CDH18: variants seen among roughly 807,000 people sequenced by gnomAD.
The protein encoded by CDH18 is cadherin-18.
Under a neutral mutation model 67.9 loss-of-function variants are expected in CDH18, and 31 were observed. The ratio of observed to expected loss-of-function variants is 0.46; its 90% CI spans 0.34 to 0.62. CDH18 has a LOEUF of 0.62. CDH18 is among the 20% of genes least tolerant of loss of function. The pLI, the probability that CDH18 is intolerant of heterozygous loss-of-function variation, is 0.01. For missense variants in CDH18, 890 were observed against 975.5 expected, an observed-to-expected ratio of 0.91 and a Z score of 1.17; for synonymous variants, 362 against 347.2, an observed-to-expected ratio of 1.04 and a Z score of -0.48.
intron 1 of CDH18, among the ~76,000 whole-genome samples, chr5:20,326,508 T>C (rs541003937): frequency 5.6e-4 from 85 of 151,666 alleles, no homozygotes; most frequent in Non-Finnish European, 8.2e-4. Flanking sequence ...GCAATGTAGA[T>C]GGAATTTTTA....
intron 5 of CDH18, among the ~76,000 whole-genome samples, chr5:19,631,534 C>T (rs1283743450): frequency 6.6e-6 from 1 of 151,922 alleles, no homozygotes; most frequent in Non-Finnish European, 1.5e-5. Flanking sequence ...AAGCGATTTT[C>T]AAGTTACAGG....
At chr5:20,409,348 A>G (rs1279001221) in intron 1 of CDH18, among the ~76,000 whole-genome samples, 1 of 151,862 alleles carries the variant, frequency 6.6e-6, no homozygotes, top group Non-Finnish European at 1.5e-5. Flanking sequence ...GGATAAAACT[A>G]GTTTGATACC....
intron 2 of CDH18, among the ~76,000 whole-genome samples, chr5:20,216,390 TAAAC>T (rs1740771808): frequency 6.6e-6 from 1 of 151,892 alleles, no homozygotes; most frequent in African/African-American, 2.4e-5. Context: ...ATATGACTGA[TAAAC>T]AGAGTAATTA....
Position 20,337,653 on chromosome 5 carries a change from AG to A in CDH18, c.-579-82149del, listed in dbSNP as rs545813497. Among the ~76,000 whole-genome samples, 152 of 152,328 alleles carry A rather than the reference AG, an allele frequency of 1.0e-3. 1 individual carries two copies. The highest frequency in any genetic ancestry group is 3.5e-3 in the African/African-American group (146 of 41,582). On this transcript the variant is annotated intron_variant, in intron 1 of 14. Coordinates refer to the CDH18 transcript ENST00000507958. ...GCATTTTTGTCAAAGCCATTCAACA[AG>A]TCTCTAGAAAGGTCCAAACATTTTC...
chr5:20,507,479 G>T (rs1052776739), intron 1 of CDH18, among the ~76,000 whole-genome samples: 6 of 152,166 alleles, frequency 3.9e-5, no homozygotes, highest in Non-Finnish European at 7.4e-5. Flanking sequence ...TTTGGATAGA[G>T]ATGTAGTTAT....
chr5:19,704,891 T>C (rs1255283021), intron 5 of CDH18, among the ~76,000 whole-genome samples: 2 of 152,222 alleles, frequency 1.3e-5, no homozygotes, highest in African/African-American at 4.8e-5. Context: ...CAGGATTGCC[T>C]TCTCCTGTTA....
At chr5:19,776,457 A>C (rs1281934970) in intron 3 of CDH18, among the ~76,000 whole-genome samples, 1 of 152,160 alleles carries the variant, frequency 6.6e-6, no homozygotes, top group African/African-American at 2.4e-5. Flanking sequence ...CTCAGTATTG[A>C]AGAAAGAGGA....
intron 5 of CDH18, among the ~76,000 whole-genome samples, chr5:19,635,203 T>C (rs1451211707): frequency 6.6e-6 from 1 of 152,160 alleles, no homozygotes; most frequent in Non-Finnish European, 1.5e-5. Context: ...GCTTTTTCAA[T>C]AGAAAGAATA....
chr5:20,002,805 CT>C (rs1189384534), intron 2 of CDH18, among the ~76,000 whole-genome samples: 1 of 152,128 alleles, frequency 6.6e-6, no homozygotes, highest in African/African-American at 2.4e-5. Context: ...CATCCACAAT[CT>C]GTTCAGGGGA....
At chr5:20,448,812 G>T (rs1457621896) in intron 1 of CDH18, among the ~76,000 whole-genome samples, 1 of 152,064 alleles carries the variant, frequency 6.6e-6, no homozygotes, top group African/African-American at 2.4e-5. Flanking sequence ...TTTGTTTTCC[G>T]ATTAACCAAA....
At chr5:20,394,531 TA>T (rs1745127846) in intron 1 of CDH18, among the ~76,000 whole-genome samples, 1 of 144,970 alleles carries the variant, frequency 6.9e-6, no homozygotes, top group South Asian at 2.1e-4. Flanking sequence ...AAATAATTTA[TA>T]ACTAACAAAT....
At chr5:19,816,388 CACA>C (rs1242482509) in intron 3 of CDH18, among the ~76,000 whole-genome samples, 17 of 151,874 alleles carry the variant, frequency 1.1e-4, no homozygotes, top group African/African-American at 4.1e-4. Flanking sequence ...ATTTATGGAG[CACA>C]ACATCTAGCT....
intron 1 of CDH18, among the ~76,000 whole-genome samples, chr5:20,567,553 C>T (rs575730360): frequency 4.6e-5 from 7 of 152,234 alleles, no homozygotes; most frequent in East Asian, 3.9e-4. Context: ...CAAATGCTTC[C>T]GGAATTGCCC....
chr5:19,683,208 A>T (rs1219454200), intron 5 of CDH18, among the ~76,000 whole-genome samples: 1 of 151,998 alleles, frequency 6.6e-6, no homozygotes, highest in Non-Finnish European at 1.5e-5. Flanking sequence ...CTAATCTGAC[A>T]TTGTTGCTTA....
At chr5:20,037,261 C>T (rs993845746) in intron 2 of CDH18, among the ~76,000 whole-genome samples, 7 of 151,962 alleles carry the variant, frequency 4.6e-5, no homozygotes, top group Non-Finnish European at 8.8e-5. Context: ...ACCGGTATTT[C>T]CTTTCCATAT....
At chr5:20,492,823 T>G (rs1753670554) in intron 1 of CDH18, among the ~76,000 whole-genome samples, 1 of 152,170 alleles carries the variant, frequency 6.6e-6, no homozygotes, top group Non-Finnish European at 1.5e-5. Context: ...CAGAGATATT[T>G]TGATAACACA....
intron 1 of CDH18, among the ~76,000 whole-genome samples, chr5:20,258,823 G>C (rs942334129): frequency 3.3e-5 from 5 of 152,062 alleles, no homozygotes; most frequent in Non-Finnish European, 7.4e-5. Flanking sequence ...TGCATCCAAA[G>C]AACTCAGAGA....
chr5:20,125,595 C>T (rs1748754581), intron 2 of CDH18, among the ~76,000 whole-genome samples: 1 of 152,100 alleles, frequency 6.6e-6, no homozygotes, highest in African/African-American at 2.4e-5. Flanking sequence ...TATTCTGTGT[C>T]TGTCTTTTTT....
At position 19,522,428 on chromosome 5, in the gene CDH18, C is replaced by T. The variant is rs777522809; in HGVS notation, c.1391-1650G>A. ...TATAAAGATATTAAGAGCTGTATTA[C>T]GTCTGCGGTTAAAGAGACAAAATGT... On this transcript the variant is annotated intron_variant, in intron 9 of 12. Transcript: ENST00000382275. Among the ~76,000 whole-genome samples, 13 of 152,090 alleles carry T rather than the reference C, an allele frequency of 8.5e-5. 1 individual carries two copies. Among genetic ancestry groups the T allele is most frequent in the Non-Finnish European group, 1.6e-4 (11 of 68,026 alleles).
Sources: gnomAD v4.1 joint callset for allele counts (sites outside exome capture counted in the v4.1 genomes callset) on GRCh38, gnomAD v4.1.1 for gene constraint, MANE v1.5 for transcripts, NCBI Gene and HGNC (gene_info 2026-07-23, HGNC 2026-07-21) for gene names.